GRID1: variants seen among roughly 807,000 people sequenced by gnomAD.
GRID1 encodes glutamate receptor ionotropic, delta-1.
A neutral mutation model predicts 98.0 loss-of-function variants in GRID1; 28 were observed. The observed-to-expected ratio is 0.29, with a 90% CI of 0.21 to 0.39. The LOEUF (loss-of-function observed/expected upper bound fraction) is 0.39, where lower values mean the gene tolerates loss of function less well. Among genes scored for constraint, GRID1 ranks in the 10% least tolerant of loss-of-function variants. The pLI, the probability that GRID1 is intolerant of heterozygous loss-of-function variation, is 1.00. For synonymous variants in GRID1, 553 were observed against 538.5 expected, an observed-to-expected ratio of 1.03 and a Z score of -0.37; for missense variants, 1,111 against 1,340.5, an observed-to-expected ratio of 0.83 and a Z score of 2.67.
chr10:86,258,880 A>G (rs182172196), intron 2 of GRID1, among the ~76,000 whole-genome samples: 17 of 152,258 alleles, frequency 1.1e-4, no homozygotes, highest in Admixed American at 1.1e-3. Context: ...ATTTCCAAAG[A>G]AGACATAAGA....
At chr10:85,722,913 T>A in intron 12 of GRID1, 90 bp downstream of exon 12, 1 of 1,120,994 alleles carries the variant, frequency 8.9e-7, no homozygotes, top group Non-Finnish European at 1.2e-6. Flanking sequence ...CAGGGCTCTC[T>A]CCATCATACC....
chr10:86,045,906 C>G (rs371836753), intron 4 of GRID1, among the ~76,000 whole-genome samples: 1 of 152,186 alleles, frequency 6.6e-6, no homozygotes, highest in African/African-American at 2.4e-5. Context: ...GGTTTACAAA[C>G]TCTTGGGGAG....
At chr10:85,695,763 C>A (rs925841824) in intron 12 of GRID1, among the ~76,000 whole-genome samples, 1 of 151,896 alleles carries the variant, frequency 6.6e-6, no homozygotes, top group Non-Finnish European at 1.5e-5. Context: ...AAACCAAAAC[C>A]AACCAACCAA....
intron 4 of GRID1, among the ~76,000 whole-genome samples, chr10:86,028,745 G>C (rs1461040999): frequency 2.0e-5 from 3 of 151,968 alleles, no homozygotes; most frequent in Non-Finnish European, 4.4e-5. Context: ...AGGGACTCTG[G>C]GAAAGGGCCA....
At chr10:85,743,475 C>G (rs1841968866) in intron 8 of GRID1, among the ~76,000 whole-genome samples, 1 of 151,912 alleles carries the variant, frequency 6.6e-6, no homozygotes, top group Non-Finnish European at 1.5e-5. Context: ...AGAAGTTGGT[C>G]CTGGAAATAC....
rs377007735 is a variant in GRID1, at chr10:85,912,022, A to G, written c.780+4164T>C. Among the ~76,000 whole-genome samples, 14 of 152,342 alleles carry G rather than the reference A, an allele frequency of 9.2e-5. No individual in the cohort carries two copies. In the South Asian group the frequency reaches 1.7e-3, roughly 18 times the overall value. ...TGCCTTTGTCTTTTCTCTGAGGCAG[A>G]CAGGGAAATGCTTGTCAATGCAATT... On this transcript the variant is annotated intron_variant, in intron 5 of 15. Transcript: ENST00000327946.
intron 5 of GRID1, among the ~76,000 whole-genome samples, chr10:85,877,781 G>C (rs533694148): frequency 1.1e-4 from 17 of 152,336 alleles, no homozygotes; most frequent in African/African-American, 4.1e-4. Context: ...GAATGACCTT[G>C]ACGAGTTGAG....
In GRID1 at chr10:85,727,796, A is replaced by T. The variant is rs111711434; in HGVS notation, c.1533+59T>A. 3.6e-4 allele frequency: 469 copies of T among 1,305,628 alleles called. 1 individual carries two copies. The African/African-American group carries it at 6.0e-3, about 17-fold the overall frequency. The allele number at this position is 1,305,628 out of a possible 1,614,324, so 80.9% of individuals were successfully genotyped here. On this transcript the variant is annotated intron_variant, in intron 10 of 15. Transcript: ENST00000327946. ...CCACTGTGCAATTGGTCAAGTTTAG[A>T]TATTACCCCAGAGGAAGACTAGGGT...
chr10:85,760,445 C>T (rs1479500742), intron 8 of GRID1, among the ~76,000 whole-genome samples: 1 of 152,136 alleles, frequency 6.6e-6, no homozygotes, highest in Non-Finnish European at 1.5e-5. Context: ...TGTCACTCCC[C>T]CTGGCACACA....
chr10:86,034,951 T>TGGAC (rs1491321323), intron 4 of GRID1, among the ~76,000 whole-genome samples: 4 of 151,238 alleles, frequency 2.6e-5, no homozygotes, highest in Non-Finnish European at 5.9e-5. Flanking sequence ...GATGGATGGA[T>TGGAC]GGATAGATGG....
chr10:86,188,781 C>A (rs1233610390), intron 3 of GRID1, among the ~76,000 whole-genome samples: 2 of 152,202 alleles, frequency 1.3e-5, no homozygotes, highest in Non-Finnish European at 2.9e-5. Flanking sequence ...CCATTTAATC[C>A]ACTATCTAAG....
intron 4 of GRID1, among the ~76,000 whole-genome samples, chr10:85,946,958 G>A (rs78761203): frequency 0.038 from 5,827 of 152,244 alleles, 144 homozygotes; most frequent in Non-Finnish European, 0.053. Flanking sequence ...GGCAAACACA[G>A]CAAGAGAGAC....
intron 4 of GRID1, among the ~76,000 whole-genome samples, chr10:86,058,543 C>T (rs1331805759): frequency 2.0e-5 from 3 of 152,210 alleles, no homozygotes; most frequent in African/African-American, 4.8e-5. Context: ...TGTATAGAGA[C>T]AATGACCACA....
At chr10:85,654,819 C>A (rs72841452) in intron 12 of GRID1, among the ~76,000 whole-genome samples, 3,531 of 152,328 alleles carry the variant, frequency 0.023, 106 homozygotes, top group East Asian at 0.11. Context: ...TGCCTGGATT[C>A]AACCCAGGCC....
chr10:86,339,062 C>T (rs764124727), intron 2 of GRID1, among the ~76,000 whole-genome samples: 1 of 152,172 alleles, frequency 6.6e-6, no homozygotes, highest in Non-Finnish European at 1.5e-5. Flanking sequence ...CTCTCACCTC[C>T]TCTCTCAATT....
At chr10:85,603,168 A>T (rs966461909) in intron 15 of GRID1, among the ~76,000 whole-genome samples, 1 of 152,242 alleles carries the variant, frequency 6.6e-6, no homozygotes, top group African/African-American at 2.4e-5. Flanking sequence ...AAGGAGGCTC[A>T]GGCTCAGGAA....
intron 8 of GRID1, among the ~76,000 whole-genome samples, chr10:85,787,772 C>T (rs1029230949): frequency 6.6e-6 from 1 of 152,152 alleles, no homozygotes; most frequent in Non-Finnish European, 1.5e-5. Context: ...AAGCCCACCC[C>T]GCCTTGCCCC....
intron 4 of GRID1, among the ~76,000 whole-genome samples, chr10:86,109,113 G>A (rs1158662217): frequency 6.6e-6 from 1 of 152,192 alleles, no homozygotes; most frequent in Non-Finnish European, 1.5e-5. Flanking sequence ...TCTTCCAGCT[G>A]TGGTTATAGA....
intron 4 of GRID1, among the ~76,000 whole-genome samples, chr10:86,098,375 C>T (rs749214382): frequency 1.3e-5 from 2 of 152,196 alleles, no homozygotes; most frequent in Admixed American, 6.5e-5. Flanking sequence ...TCATCTGATG[C>T]GATTTGGCAA....
Sources: gnomAD v4.1 joint callset for allele counts (sites outside exome capture counted in the v4.1 genomes callset) on GRCh38, gnomAD v4.1.1 for gene constraint, MANE v1.5 for transcripts, NCBI Gene and HGNC (gene_info 2026-07-23, HGNC 2026-07-21) for gene names.